The following MCC variants were observed in gnomAD, a reference collection of about 807,000 sequenced individuals.
MCC encodes the protein MCC regulator of Wnt signaling pathway, also known as colorectal mutant cancer protein.
A neutral mutation model predicts 116.2 loss-of-function variants in MCC; 90 were observed. The observed-to-expected ratio is 0.77, with a 90% CI of 0.65 to 0.92. The LOEUF is 0.92. Among genes scored for constraint, MCC ranks in the 40% least tolerant of loss-of-function variants. MCC has a pLI of 0.00. For missense variants in MCC, 1,516 were observed against 1,312.2 expected, an observed-to-expected ratio of 1.16 and a Z score of -2.40; for synonymous variants, 578 against 510.5, an observed-to-expected ratio of 1.13 and a Z score of -1.78.
At chr5:113,143,395 A>G (rs1210966010) in intron 4 of MCC, 35 bp from the exon 5 acceptor site, 1 of 1,611,842 alleles carries the variant, frequency 6.2e-7, no homozygotes, top group East Asian at 2.2e-5. Context: ...AGTGCTGATG[A>G]ATTCATGCAC....
At position 113,064,035 on chromosome 5, in the gene MCC, G is replaced by A; in HGVS notation, c.2162C>T (p.Ala721Val). 1 of 1,614,118 alleles carries A rather than the reference G, an allele frequency of 6.2e-7. No homozygotes were observed. Among genetic ancestry groups the A allele is most frequent in the African/African-American group, 1.3e-5 (1 of 75,068 alleles). Residue 721 changes from alanine to valine, a missense_variant, in exon 14 of 19, where the codon GCC (alanine) becomes GTC (valine). Ala to Val is a moderately conservative substitution (Grantham distance 64, BLOSUM62 0). Coordinates refer to ENST00000408903, the MANE Select transcript of MCC (RefSeq NM_001085377.2). ...DGSCGGAFAV[A>V]GCSVQPWESL... Reference sequence around the variant, plus strand: ...CTCCCAGGGCTGCACGCTGCAGCCGGCCACGGCAAAGGCTCCCCCACAGCT... The same window carrying A: ...CTCCCAGGGCTGCACGCTGCAGCCGACCACGGCAAAGGCTCCCCCACAGCT...
chr5:113,367,610 G>A (rs536611960), intron 2 of MCC, among the ~76,000 whole-genome samples: 61 of 120,376 alleles, frequency 5.1e-4, no homozygotes, highest in African/African-American at 2.0e-3. Context: ...TTATGCTTGG[G>A]CATAAGGAAG....
At chr5:113,047,507 T>C (rs1187743923) in intron 16 of MCC, among the ~76,000 whole-genome samples, 2 of 152,234 alleles carry the variant, frequency 1.3e-5, no homozygotes, top group Non-Finnish European at 2.9e-5. Flanking sequence ...TTCTTAACTA[T>C]GTAGGGAGTG....
chr5:113,079,890 A>G (rs2150240855), intron 11 of MCC, among the ~76,000 whole-genome samples: 1 of 152,372 alleles, frequency 6.6e-6, no homozygotes, highest in South Asian at 2.1e-4. Flanking sequence ...ATGGGAGAAC[A>G]TTTTTACAAT....
At chr5:113,092,825 C>G (rs1157619310) in intron 8 of MCC, among the ~76,000 whole-genome samples, 2 of 152,216 alleles carry the variant, frequency 1.3e-5, no homozygotes, top group Non-Finnish European at 2.9e-5. Context: ...TATACACACT[C>G]TGAGACTCAG....
chr5:113,091,910 A>AAC (rs140237354), intron 8 of MCC, among the ~76,000 whole-genome samples: 22,155 of 147,122 alleles, frequency 0.15, 1,830 homozygotes, highest in South Asian at 0.22. Flanking sequence ...ACACCACACA[A>AAC]ACACACACAC....
intron 15 of MCC, among the ~76,000 whole-genome samples, chr5:113,051,723 C>G (rs1752501475): frequency 7.9e-6 from 1 of 127,190 alleles, no homozygotes; most frequent in Non-Finnish European, 1.8e-5. Context: ...GACCCTGTTT[C>G]AAAACAACAA....
intron 3 of MCC, among the ~76,000 whole-genome samples, chr5:113,313,190 C>G (rs191334408): frequency 6.6e-6 from 1 of 151,778 alleles, no homozygotes; most frequent in African/African-American, 2.4e-5. Context: ...ACTAAAAATA[C>G]CAAAAAATTA....
chr5:113,084,011 T>C (rs1020634724), intron 10 of MCC, 90 bp downstream of exon 10: 3 of 973,182 alleles, frequency 3.1e-6, no homozygotes, highest in Non-Finnish European at 4.9e-6. Flanking sequence ...TTATTGGAGA[T>C]AGACTTTGGA....
intron 8 of MCC, among the ~76,000 whole-genome samples, chr5:113,098,113 G>A (rs920117479): frequency 6.6e-5 from 10 of 152,200 alleles, no homozygotes; most frequent in Admixed American, 2.0e-4. Context: ...GGTTCAGCGG[G>A]ACACAGTTTC....
At chr5:113,475,207 C>T (rs530235713) in intron 1 of MCC, among the ~76,000 whole-genome samples, 119 of 152,350 alleles carry the variant, frequency 7.8e-4, no homozygotes, top group African/African-American at 2.7e-3. Context: ...AGTATAAATG[C>T]TCTTTCAAGT....
chr5:113,157,969 T>G (rs1006111346), intron 3 of MCC, among the ~76,000 whole-genome samples: 1 of 152,212 alleles, frequency 6.6e-6, no homozygotes, highest in Admixed American at 6.5e-5. Flanking sequence ...TGTGATGCCA[T>G]GGCATTTGAT....
At chr5:113,278,495 C>T (rs74640882) in intron 3 of MCC, among the ~76,000 whole-genome samples, 2,342 of 152,294 alleles carry the variant, frequency 0.015, 65 homozygotes, top group African/African-American at 0.049. Context: ...GGAGATGGAA[C>T]CTAGACCGGG....
At chr5:113,424,585 G>A (rs1426909857) in intron 1 of MCC, among the ~76,000 whole-genome samples, 1 of 151,998 alleles carries the variant, frequency 6.6e-6, no homozygotes, top group Non-Finnish European at 1.5e-5. Context: ...TGTGGTGGCA[G>A]GTGTCTGTAA....
chr5:113,277,463 T>G (rs911860899), intron 3 of MCC, among the ~76,000 whole-genome samples: 1 of 152,244 alleles, frequency 6.6e-6, no homozygotes, highest in Non-Finnish European at 1.5e-5. Context: ...GAATATGCAC[T>G]ATTTTTATGA....
Position 113,483,061 on chromosome 5 carries a change from G to A in MCC, c.170+5184C>T, listed in dbSNP as rs148031294. On this transcript the variant is annotated intron_variant, in intron 1 of 18. Transcript: ENST00000408903. ...TGGCATTCTTAATCTTGGTGCTTTC[G>A]TTGAAAATCAATTGACATGAATATG... 1.6e-3 allele frequency among the ~76,000 whole-genome samples: 241 copies of A among 152,120 alleles called. 1 individual carries two copies. The highest frequency in any genetic ancestry group is 2.8e-3 in the Non-Finnish European group (189 of 67,994).
Position 113,027,350 on chromosome 5 carries a change from CAGAGCTATTCTTTG to C in MCC, c.2998_3011del (p.Gln1000AlafsTer12). On this transcript the variant is annotated frameshift_variant, in exon 19 of 19. Coordinates refer to ENST00000408903, the MANE Select transcript of MCC (RefSeq NM_001085377.2). LOFTEE classifies it high-confidence loss of function. ...GTGGCCTGGAGTTCTCCTCCTCTAG[CAGAGCTATTCTTTG>C]CTTGAGCATCCTCACTTGGGTCTCA... The C allele has an allele frequency of 3.7e-6, 6 of 1,614,190 alleles. No individual in the cohort carries two copies. Among genetic ancestry groups the C allele is most frequent in the Non-Finnish European group, 4.2e-6 (5 of 1,180,026 alleles).
At chr5:113,420,485 T>A (rs1770299012) in intron 1 of MCC, among the ~76,000 whole-genome samples, 1 of 152,148 alleles carries the variant, frequency 6.6e-6, no homozygotes, top group South Asian at 2.1e-4. Flanking sequence ...CAAGCAGGGA[T>A]CATCTCTATG....
intron 12 of MCC, 50 bp downstream of exon 12, chr5:113,071,044 G>A: frequency 6.3e-7 from 1 of 1,576,754 alleles, no homozygotes. Context: ...AGGTTACTCT[G>A]GATGCACTTC....
Sources: allele counts gnomAD v4.1 joint callset (sites outside exome capture counted in the v4.1 genomes callset), GRCh38; gene constraint gnomAD v4.1.1; transcripts MANE v1.5; gene names NCBI Gene and HGNC (gene_info 2026-07-23, HGNC 2026-07-21).